The following NCOA6 variants were observed in gnomAD, a reference collection of about 807,000 sequenced individuals.
NCOA6 encodes the protein nuclear receptor coactivator 6, also known as NRC RAP250.
A neutral mutation model predicts 171.4 loss-of-function variants in NCOA6; 49 were observed. The ratio of observed to expected loss-of-function variants is 0.29; its 90% CI spans 0.23 to 0.36. NCOA6 has a LOEUF of 0.36. Ranked by LOEUF, NCOA6 falls within the 10% of genes least tolerant of loss-of-function variation. The pLI is 1.00. For synonymous variants in NCOA6, 910 were observed against 927.5 expected (o/e 0.98, Z 0.34); for missense variants, 2,248 against 2,554.5 (o/e 0.88, Z 2.59).
chr20:34,810,330 T>C (rs138108171), intron 1 of NCOA6, among the ~76,000 whole-genome samples: 79 of 152,352 alleles, frequency 5.2e-4, no homozygotes, highest in African/African-American at 1.8e-3. Flanking sequence ...CTGTTATAAA[T>C]TGTAAATATG....
intron 5 of NCOA6, 79 bp from the exon 6 acceptor site, chr20:34,759,012 A>G: frequency 6.7e-7 from 1 of 1,485,674 alleles, no homozygotes; most frequent in South Asian, 1.2e-5. Context: ...AAGAATATGA[A>G]AAGATATGGA....
chr20:34,760,528 T>C (rs1433275194), intron 5 of NCOA6, among the ~76,000 whole-genome samples: 1 of 152,208 alleles, frequency 6.6e-6, no homozygotes, highest in Non-Finnish European at 1.5e-5. Flanking sequence ...GGAAAGCATC[T>C]TTCTTCTTTT....
chr20:34,758,655 T>C, intron 6 of NCOA6, 150 bp downstream of exon 6: 1 of 1,024,556 alleles, frequency 9.8e-7, no homozygotes, highest in Non-Finnish European at 1.4e-6. Context: ...ATAATGACAT[T>C]TAGTTTGAAG....
rs1426880641 is a variant in NCOA6, at chr20:34,749,852, C to T, written c.2343G>A (p.Met781Ile). The T allele has an allele frequency of 1.2e-6, 2 of 1,614,236 alleles. No homozygotes were observed. Among genetic ancestry groups the T allele is most frequent in the Non-Finnish European group, 1.7e-6 (2 of 1,180,040 alleles). ...GCCGCAGGACCTGTCCCTGAATGCC[C>T]ATAACCTGAGATGGACTGTTGTTCA... Reference protein sequence around the residue: ...GPVNNSPSQVMGIQGQVLRPP... With the variant: ...GPVNNSPSQVIGIQGQVLRPP... Residue 781 changes from methionine (M) to isoleucine (I), a missense_variant, in exon 9 of 15, where the codon ATG (methionine) becomes ATA (isoleucine). Coordinates refer to ENST00000359003, the MANE Select transcript of NCOA6 (RefSeq NM_014071.5).
intron 3 of NCOA6, chr20:34,776,781 C>T (rs6060043): frequency 0.83 from 393,434 of 475,718 alleles, 164,065 homozygotes; most frequent in Admixed American, 0.93. Flanking sequence ...AGGCAATGAA[C>T]GGAAAGCCGT....
intron 14 of NCOA6, among the ~76,000 whole-genome samples, chr20:34,723,856 G>A (rs1444712081): frequency 6.6e-6 from 1 of 152,142 alleles, no homozygotes; most frequent in Non-Finnish European, 1.5e-5. Context: ...AGTACCTTGA[G>A]GCTCTGGGCT....
Position 34,757,512 on chromosome 20 carries a change from A to G in NCOA6, c.1236T>C (p.Ser412=), listed in dbSNP as rs774658263. The G allele has an allele frequency of 3.5e-5, 56 of 1,613,718 alleles. No homozygotes were observed. The highest frequency in any genetic ancestry group is 4.7e-5 in the Non-Finnish European group (55 of 1,179,876). ...GCTGCTGCAAGGGAGTTGGGACCCTAGAGGGCCCTCCCTGCAAACTCTTCA... is the reference window on the plus strand; with the variant it reads ...GCTGCTGCAAGGGAGTTGGGACCCTGGAGGGCCCTCCCTGCAAACTCTTCA... ...PQMKSLQGGP[S]RVPTPLQQPH... is the part of the protein sequence containing the mutation. Residue 412 remains serine (S), a synonymous_variant, in exon 7 of 15, where the codon TCT becomes TCC. Transcript: ENST00000359003.
rs990841859 is a variant in NCOA6, at chr20:34,736,888, C to T, written c.5894-130G>A. On this transcript the variant is annotated intron_variant, in intron 11 of 14. Coordinates refer to ENST00000359003, the MANE Select transcript of NCOA6 (RefSeq NM_014071.5). ...TTAGAGGGCAGTACTCAAAATTGGC[C>T]TCGAAATTACAAGTACATTTTAAAA... 3.2e-5 allele frequency: 22 copies of T among 690,304 alleles called. No homozygotes were observed. In the African/African-American group the frequency reaches 3.6e-4, roughly 11 times the overall value. The allele number at this position is 690,304 out of a possible 1,614,324, so 42.8% of individuals were successfully genotyped here.
intron 8 of NCOA6, among the ~76,000 whole-genome samples, chr20:34,752,964 T>A (rs555526189): frequency 6.8e-6 from 1 of 147,306 alleles, no homozygotes; most frequent in African/African-American, 2.5e-5. Flanking sequence ...AACATGTACA[T>A]GTGGAAGGTA....
chr20:34,766,677 G>C (rs566971473), intron 5 of NCOA6, among the ~76,000 whole-genome samples: 1 of 152,220 alleles, frequency 6.6e-6, no homozygotes, highest in Admixed American at 6.5e-5. Context: ...GTTAAGTGGC[G>C]TCTTAACATT....
At position 34,812,209 on chromosome 20, in the gene NCOA6, C is replaced by T. The variant is rs1219261300; in HGVS notation, c.-164+13263G>A. ...AAGAGGTTGCAGTGAGCTGAGATTG[C>T]GCCACTGCACTCCAGTGTGGCGACA... On this transcript the variant is annotated intron_variant, in intron 1 of 14. Coordinates refer to ENST00000359003, the MANE Select transcript of NCOA6 (RefSeq NM_014071.5). 2.6e-5 allele frequency among the ~76,000 whole-genome samples: 4 copies of T among 151,340 alleles called. No homozygotes were observed. In the East Asian group the frequency reaches 7.8e-4, roughly 29 times the overall value.
At chr20:34,767,547 C>T (rs886710368) in intron 5 of NCOA6, among the ~76,000 whole-genome samples, 6 of 152,144 alleles carry the variant, frequency 3.9e-5, no homozygotes, top group African/African-American at 1.4e-4. Context: ...CCACCTGCCT[C>T]GGCCTCCCAA....
At chr20:34,715,787 G>A (rs1184682587) in intron 14 of NCOA6, among the ~76,000 whole-genome samples, 1 of 152,152 alleles carries the variant, frequency 6.6e-6, no homozygotes, top group Non-Finnish European at 1.5e-5. Flanking sequence ...AAAAAAACCT[G>A]CCTTGGGATC....
intron 4 of NCOA6, among the ~76,000 whole-genome samples, chr20:34,772,007 A>C (rs2077164821): frequency 6.6e-6 from 1 of 152,178 alleles, no homozygotes; most frequent in African/African-American, 2.4e-5. Context: ...CATAATTAAT[A>C]GCATTCTCTT....
rs368694795 is a variant in NCOA6, at chr20:34,741,926, C to T, written c.4330G>A (p.Val1444Ile). ...ACCATTTTAACTTCTTGGGCAGGGA[C>T]TGCTTTTAGTTCAATGTTTACCTGT... ...KEQVNIELKA[V>I]PAQEVKMVVP... Residue 1444 changes from valine (V) to isoleucine (I), a missense_variant, in exon 11 of 15, where the codon GTC (valine) becomes ATC (isoleucine). Val to Ile is a conservative substitution (Grantham distance 29). Around this residue, in one of 7 missense-constraint regions of NCOA6, gnomAD observed 884 missense variants for 941.9 expected, o/e 0.94. Transcript: ENST00000359003. The T allele has an allele frequency of 2.4e-5, 39 of 1,614,096 alleles. No individual in the cohort carries two copies. Among genetic ancestry groups the T allele is most frequent in the Non-Finnish European group, 3.1e-5 (37 of 1,180,046 alleles).
intron 14 of NCOA6, among the ~76,000 whole-genome samples, chr20:34,723,119 G>A (rs970351765): frequency 6.6e-6 from 1 of 152,234 alleles, no homozygotes; most frequent in African/African-American, 2.4e-5. Context: ...CTGGTTACGA[G>A]GGGTTCATGG....
Position 34,742,740 on chromosome 20 carries a change from G to A in NCOA6, c.3516C>T (p.Pro1172=). The A allele has an allele frequency of 6.2e-7, 1 of 1,614,132 alleles. No individual in the cohort carries two copies. The highest frequency in any genetic ancestry group is 8.5e-7 in the Non-Finnish European group (1 of 1,180,014). Reference sequence around the variant, plus strand: ...GAGTTGCACCTTGAGTTGCTGAAAGGGGCGATGGTCCAGGTTTTGGCCCTG... The same window carrying A: ...GAGTTGCACCTTGAGTTGCTGAAAGAGGCGATGGTCCAGGTTTTGGCCCTG... ...MMTGPKPGPS[P]LSATQGATPQ... The change falls in exon 11 of 15, where the codon CCC becomes CCT. Residue 1172 remains proline (P), a synonymous_variant. Coordinates refer to ENST00000359003, the MANE Select transcript of NCOA6 (RefSeq NM_014071.5).
chr20:34,795,356 TGA>T (rs1353605355), intron 1 of NCOA6, among the ~76,000 whole-genome samples: 1 of 152,128 alleles, frequency 6.6e-6, no homozygotes, highest in African/African-American at 2.4e-5. Context: ...ACAATCAGAG[TGA>T]GACTCTTCAT....
chr20:34,788,936 G>A (rs1224262759), intron 2 of NCOA6, among the ~76,000 whole-genome samples: 5 of 152,086 alleles, frequency 3.3e-5, no homozygotes, highest in East Asian at 1.9e-4. Flanking sequence ...GTGAAACTCC[G>A]TCTCAAAAAT....
Sources: gnomAD v4.1 joint callset for allele counts (sites outside exome capture counted in the v4.1 genomes callset) on GRCh38, gnomAD v4.1.1 for gene constraint, gnomAD v4.1.1 regional missense constraint, MANE v1.5 for transcripts, NCBI Gene and HGNC (gene_info 2026-07-23, HGNC 2026-07-21) for gene names.